Variants in ITIH6 observed in about 807,000 individuals in gnomAD.
ITIH6 encodes the protein inter-alpha-trypsin inhibitor heavy chain family member 6.
In ITIH6, 60 loss-of-function variants were observed where a neutral mutation model predicts 58.2. The ratio of observed to expected loss-of-function variants is 1.03; its 90% confidence interval spans 0.84 to 1.28. The LOEUF (loss-of-function observed/expected upper bound fraction) is 1.28, where lower values mean the gene tolerates loss of function less well. Ranked by LOEUF, ITIH6 falls within the 50% of genes most tolerant of loss-of-function variation. The pLI, the probability that ITIH6 is intolerant of heterozygous loss-of-function variation, is 0.00. For missense variants in ITIH6, 1,290 were observed against 1,021.1 expected (o/e 1.26, Z -3.59); for synonymous variants, 493 against 417.4 (o/e 1.18, Z -2.21).
intron 10 of ITIH6, 75 bp downstream of exon 10, chrX:54,753,855 A>G: frequency 8.8e-7 from 1 of 1,131,400 alleles, no homozygotes; most frequent in Non-Finnish European, 1.2e-6. Context: ...GGTTATGTCT[A>G]TTTCCCCAGC....
rs147673187 is a variant in ITIH6, at chrX:54,791,709, A to G, written c.368+217T>C. Among the ~76,000 whole-genome samples the G allele has an allele frequency of 1.3e-3, 143 of 112,255 alleles. No homozygotes were observed. In the Middle Eastern group the frequency reaches 0.014, roughly 11 times the overall value. ...AAGCCACAATCTGCTGACAGTAGAAAAGTAGAAATGGGGAAGTAAATTTCC... is the reference window on the plus strand; with the variant it reads ...AAGCCACAATCTGCTGACAGTAGAAGAGTAGAAATGGGGAAGTAAATTTCC... On this transcript the variant is annotated intron_variant, in intron 3 of 12. Coordinates refer to ENST00000218436, the MANE Select transcript of ITIH6 (RefSeq NM_198510.3).
intron 5 of ITIH6, among the ~76,000 whole-genome samples, chrX:54,774,909 G>A (rs376271377): frequency 1.6e-4 from 18 of 111,872 alleles, no homozygotes; most frequent in African/African-American, 5.6e-4. Flanking sequence ...GCTCAGCTCA[G>A]GGATGTCTGT....
intron 4 of ITIH6, among the ~76,000 whole-genome samples, chrX:54,789,910 C>A (rs755093652): frequency 9.2e-6 from 1 of 109,077 alleles, no homozygotes; most frequent in African/African-American, 3.3e-5. Flanking sequence ...GTCCATTTTA[C>A]AGATGGGAAA....
In ITIH6 at chrX:54,757,539, G is replaced by A; in HGVS notation, c.2535C>T (p.Leu845=). The change falls in exon 8 of 13, where the codon CTC becomes CTT. Residue 845 remains leucine, a synonymous_variant. Transcript: ENST00000218436. ...NNMPHLGPGI[L]LSKTPKILLS... ...ATAAGATTTTAGGGGTCTTGGACAA[G>A]AGGATTCCAGGCCCCAGGTGTGGCA... 8.3e-7 allele frequency: 1 copy of A among 1,210,801 alleles called. No homozygotes were observed. The highest frequency in any genetic ancestry group is 1.1e-6 in the Non-Finnish European group (1 of 894,901).
At chrX:54,766,867 C>A (rs1156639769) in intron 6 of ITIH6, among the ~76,000 whole-genome samples, 1 of 105,451 alleles carries the variant, frequency 9.5e-6, no homozygotes, top group East Asian at 3.0e-4. Flanking sequence ...GGTTGTGTCT[C>A]TGCCTGGCTT....
chrX:54,794,635 G>A (rs986776581), intron 2 of ITIH6, among the ~76,000 whole-genome samples: 1 of 111,203 alleles, frequency 9.0e-6, no homozygotes, highest in African/African-American at 3.3e-5. Context: ...TCCTTCTCCA[G>A]GGGAAGTGCC....
intron 6 of ITIH6, among the ~76,000 whole-genome samples, chrX:54,770,250 G>A (rs376727755): frequency 1.8e-5 from 2 of 112,479 alleles, no homozygotes; most frequent in Admixed American, 1.9e-4. Flanking sequence ...CGCATGGTGC[G>A]CGCACCCACT....
At position 54,774,202 on chromosome X, in the gene ITIH6, A is replaced by C; in HGVS notation, c.787-5T>G. 1 of 781,466 alleles carries C rather than the reference A, an allele frequency of 1.3e-6. No homozygotes were observed. The highest frequency in any genetic ancestry group is 1.7e-6 in the Non-Finnish European group (1 of 575,290). The allele number at this position is 781,466 out of a possible 1,213,427, so 64.4% of individuals were successfully genotyped here. ...AATGAAATAGTCATCGTAAATCTGG[A>C]CCAAAAAAAAAAAAAAAAAAGTAGA... On this transcript the variant is annotated splice_polypyrimidine_tract_variant and splice_region_variant and intron_variant, in intron 5 of 12. Coordinates refer to ENST00000218436, the MANE Select transcript of ITIH6 (RefSeq NM_198510.3).
chrX:54,789,422 T>C (rs1221183615), intron 4 of ITIH6, among the ~76,000 whole-genome samples: 1 of 111,966 alleles, frequency 8.9e-6, no homozygotes, highest in Non-Finnish European at 1.9e-5. Context: ...AGCCCCATAC[T>C]CTCTGAGGCG....
intron 5 of ITIH6, among the ~76,000 whole-genome samples, chrX:54,785,407 G>A (rs904908951): frequency 1.8e-5 from 2 of 111,481 alleles, no homozygotes; most frequent in Non-Finnish European, 3.8e-5. Context: ...ATGCTTGAGG[G>A]AATCGGTACC....
chrX:54,780,171 A>G (rs1428206659), intron 5 of ITIH6, among the ~76,000 whole-genome samples: 1 of 111,294 alleles, frequency 9.0e-6, no homozygotes, highest in Non-Finnish European at 1.9e-5. Context: ...TAGATCAGAA[A>G]CCTAATAGAT....
In ITIH6 at chrX:54,757,431, C is replaced by A. The variant is rs761482868; in HGVS notation, c.2643G>T (p.Met881Ile). The change falls in exon 8 of 13, where the codon ATG (methionine) becomes ATT (isoleucine). Residue 881 changes from methionine to isoleucine, a missense_variant. Transcript: ENST00000218436. ...GTCTAGGAGGTAGTGGGGTTTGAGGCATATGGGGGTTTGGGGTCTCAGGCT... is the reference window on the plus strand; with the variant it reads ...GTCTAGGAGGTAGTGGGGTTTGAGGAATATGGGGGTTTGGGGTCTCAGGCT... ...LSKPETPNPH[M>I]PQTPLPPRPD... 1 of 1,209,664 alleles carries A rather than the reference C, an allele frequency of 8.3e-7. No individual in the cohort carries two copies. The highest frequency in any genetic ancestry group is 3.0e-5 in the East Asian group (1 of 33,802).
Position 54,758,691 on chromosome X carries a change from CT to C in ITIH6, c.1382del (p.Gln461ArgfsTer2), listed in dbSNP as rs1306327595. The C allele has an allele frequency of 8.3e-7, 1 of 1,211,702 alleles. No individual in the cohort carries two copies. The highest frequency in any genetic ancestry group is 2.2e-5 in the Admixed American group (1 of 46,067). ...RIYEDTDAAL[Q>X]LKGLYEEISM... ...AGATCTCCTCATAGAGGCCCTTCAG[CT>C]GTAGGGCCGCATCAGTGTCCTCATA... is the stretch of plus-strand genomic sequence containing the variant. On this transcript the variant is annotated frameshift_variant, in exon 8 of 13. Transcript: ENST00000218436. LOFTEE classifies it high-confidence loss of function.
At chrX:54,766,373 C>A (rs1378582642) in intron 6 of ITIH6, among the ~76,000 whole-genome samples, 1 of 79,726 alleles carries the variant, frequency 1.3e-5, no homozygotes, top group Non-Finnish European at 2.4e-5. Context: ...AATTGAATAC[C>A]CTTTATTTCC....
In ITIH6 at chrX:54,786,585, G is replaced by A. The variant is rs970744307; in HGVS notation, c.786+1895C>T. Among the ~76,000 whole-genome samples, 23 of 110,826 alleles carry A rather than the reference G, an allele frequency of 2.1e-4. 1 individual carries two copies. The highest frequency in any genetic ancestry group is 1.9e-3 in the Admixed American group (20 of 10,405). On this transcript the variant is annotated intron_variant, in intron 5 of 12. Coordinates refer to ENST00000218436, the MANE Select transcript of ITIH6 (RefSeq NM_198510.3). ...TGAGTTTTAGCCTGTTTCTTTTCTC[G>A]TGCGGCCCCCACTTTGCCGGAATGC...
intron 5 of ITIH6, among the ~76,000 whole-genome samples, chrX:54,779,484 T>G (rs1288643118): frequency 9.0e-6 from 1 of 111,667 alleles, no homozygotes; most frequent in African/African-American, 3.3e-5. Flanking sequence ...AAATAATGAT[T>G]AATAAGATAG....
At chrX:54,755,192 C>CCT in intron 8 of ITIH6, 83 bp from the exon 9 acceptor site, 3 of 841,018 alleles carry the variant, frequency 3.6e-6, no homozygotes, top group Non-Finnish European at 5.2e-6. Flanking sequence ...AGAGCCCTCA[C>CCT]TGGCTCTGCA....
At chrX:54,797,140 C>T in intron 1 of ITIH6, 44 bp from the exon 2 acceptor site, 1 of 1,133,233 alleles carries the variant, frequency 8.8e-7, no homozygotes, top group Non-Finnish European at 1.2e-6. Flanking sequence ...AGACTATGTC[C>T]TCAGCCTAGA....
chrX:54,760,002 A>G, intron 6 of ITIH6, 75 bp from the exon 7 acceptor site: 1 of 830,577 alleles, frequency 1.2e-6, no homozygotes. Context: ...TTTTCTACAC[A>G]AGGCATTAAC....
Sources: allele counts gnomAD v4.1 joint callset (sites outside exome capture counted in the v4.1 genomes callset), GRCh38; gene constraint gnomAD v4.1.1; transcripts MANE v1.5; gene names NCBI Gene and HGNC (gene_info 2026-07-23, HGNC 2026-07-21).